The following PACS1 variants were observed in gnomAD, a reference collection of about 807,000 sequenced individuals.
PACS1 encodes phosphofurin acidic cluster sorting protein 1.
In PACS1, 24 loss-of-function variants were observed where a neutral mutation model predicts 115.0. The observed-to-expected ratio is 0.21, with a 90% confidence interval of 0.15 to 0.29. PACS1 has a LOEUF of 0.29. Among genes scored for constraint, PACS1 ranks in the 10% least tolerant of loss-of-function variants. PACS1 has a pLI of 1.00. For missense variants in PACS1, 838 were observed against 1,251.2 expected, an observed-to-expected ratio of 0.67 and a Z score of 4.98; for synonymous variants, 453 against 504.5, an observed-to-expected ratio of 0.90 and a Z score of 1.37.
chr11:66,107,638 TTA>T (rs1858080753), intron 1 of PACS1, among the ~76,000 whole-genome samples: 1 of 152,212 alleles, frequency 6.6e-6, no homozygotes, highest in Non-Finnish European at 1.5e-5. Flanking sequence ...ATTCTTTTAC[TTA>T]TATGATTGTT....
At chr11:66,119,136 C>G (rs982500825) in intron 1 of PACS1, among the ~76,000 whole-genome samples, 5 of 152,170 alleles carry the variant, frequency 3.3e-5, no homozygotes, top group Non-Finnish European at 7.4e-5. Context: ...CTCTTCTGAC[C>G]GGTAGCGTTA....
intron 17 of PACS1, 115 bp downstream of exon 17, chr11:66,234,357 G>A (rs1006155258): frequency 2.0e-5 from 15 of 746,936 alleles, no homozygotes; most frequent in South Asian, 5.7e-5. Context: ...TCACCTTCCC[G>A]GTCACTCTGT....
chr11:66,128,419 CTG>C (rs1858627753), intron 1 of PACS1, among the ~76,000 whole-genome samples: 1 of 152,172 alleles, frequency 6.6e-6, no homozygotes, highest in Non-Finnish European at 1.5e-5. Flanking sequence ...GAAATGCTGT[CTG>C]TGATTTGCTT....
chr11:66,233,157 T>C lies in PACS1; in HGVS notation c.1838+91T>C, dbSNP rs1855634464. On this transcript the variant is annotated intron_variant, in intron 15 of 23. Coordinates refer to ENST00000320580, the MANE Select transcript of PACS1 (RefSeq NM_018026.4). The surrounding 1 kb of genome is among the most constrained non-coding windows in gnomAD (Gnocchi z 4.5). ...ACTTCTAAGCAATGATAGACCCTCC[T>C]GGCCTCATCAGACCAAGAATTTGCA... is the stretch of plus-strand genomic sequence containing the variant. The C allele has an allele frequency of 1.0e-6, 1 of 975,300 alleles. No individual in the cohort carries two copies. The highest frequency in any genetic ancestry group is 1.6e-5 in the African/African-American group (1 of 62,402). 60.4% of individuals were successfully genotyped at this position (975,300 alleles called of 1,614,324 possible).
chr11:66,093,778 T>C (rs1178317004), intron 1 of PACS1, among the ~76,000 whole-genome samples: 1 of 151,718 alleles, frequency 6.6e-6, no homozygotes, highest in East Asian at 1.9e-4. Flanking sequence ...TATTCCAAAA[T>C]TGACCACATA....
At chr11:66,211,611 G>T (rs567207793) in intron 4 of PACS1, among the ~76,000 whole-genome samples, 2 of 152,258 alleles carry the variant, frequency 1.3e-5, no homozygotes, top group Admixed American at 1.3e-4. Flanking sequence ...TAGATATATT[G>T]ATAGGTATTA....
intron 1 of PACS1, among the ~76,000 whole-genome samples, chr11:66,093,247 G>C (rs1208336779): frequency 1.3e-5 from 2 of 152,088 alleles, no homozygotes; most frequent in Non-Finnish European, 2.9e-5. Context: ...GTGTAAGTTG[G>C]ATTCCTAGGT....
intron 7 of PACS1, chr11:66,219,448 G>A: frequency 3.9e-6 from 2 of 518,906 alleles, no homozygotes; most frequent in South Asian, 3.6e-5. Context: ...TGAATCCGAA[G>A]GGCAAGAGAA....
chr11:66,202,338 T>C (rs1041604724), intron 2 of PACS1, among the ~76,000 whole-genome samples: 2 of 152,096 alleles, frequency 1.3e-5, no homozygotes, highest in Admixed American at 6.6e-5. Flanking sequence ...TAGAGAATAA[T>C]TCCAGACTCA....
intron 1 of PACS1, among the ~76,000 whole-genome samples, chr11:66,165,187 C>A (rs1306853526): frequency 6.6e-6 from 1 of 152,230 alleles, no homozygotes; most frequent in Non-Finnish European, 1.5e-5. Context: ...GATGAGTTTT[C>A]TGTTCTCAGC....
chr11:66,070,313 G>C lies in PACS1; in HGVS notation c.-174G>C, dbSNP rs1001243468. 3.4e-5 allele frequency: 7 copies of C among 203,762 alleles called. No homozygotes were observed. Among genetic ancestry groups the C allele is most frequent in the Non-Finnish European group, 6.5e-5 (7 of 107,322 alleles). 12.6% of individuals were successfully genotyped at this position (203,762 alleles called of 1,614,324 possible). A position where few individuals can be genotyped will look rare whatever the true frequency, so the allele number is the denominator to read the frequency against. Reference sequence around the variant, plus strand: ...CGAGCCGCAACAGGCAGCGGCGGTCGAGCGCGAGGCCCGCGCGCCCAGAGG... The same window carrying C: ...CGAGCCGCAACAGGCAGCGGCGGTCCAGCGCGAGGCCCGCGCGCCCAGAGG... On this transcript the variant is annotated 5_prime_UTR_variant, in exon 1 of 24. Transcript: ENST00000320580. The surrounding 1 kb of genome is among the most constrained non-coding windows in gnomAD (Gnocchi z 5.9).
At chr11:66,204,138 T>G (rs1854879627) in intron 2 of PACS1, among the ~76,000 whole-genome samples, 2 of 152,046 alleles carry the variant, frequency 1.3e-5, no homozygotes, top group African/African-American at 4.8e-5. Flanking sequence ...AGGGATCCCT[T>G]GTCCATCTGA....
rs757234054 is a variant in PACS1 at position 66,233,016 on chromosome 11, C to T, written c.1788C>T (p.Thr596=). 2.0e-5 allele frequency: 32 copies of T among 1,612,246 alleles called. 1 individual carries two copies. Among genetic ancestry groups the T allele is most frequent in the East Asian group, 1.3e-4 (6 of 44,888 alleles). The change falls in exon 15 of 24, where the codon ACC becomes ACT. Residue 596 remains threonine (T), a synonymous_variant. Coordinates refer to ENST00000320580, the MANE Select transcript of PACS1 (RefSeq NM_018026.4). This position sits in a 1 kb window ranked among gnomAD's most constrained non-coding sequence, Gnocchi z 4.5. ...QRKPVVCTCS[T]VEVQAVLSAL... ...AGCCTGTGGTGTGCACCTGCTCCAC[C>T]GTGGAGGTCCAGGCCGTGCTGTCCG...
chr11:66,242,661 G>A (rs144120574), intron 22 of PACS1, among the ~76,000 whole-genome samples: 62 of 152,292 alleles, frequency 4.1e-4, no homozygotes, highest in African/African-American at 1.4e-3. Context: ...TCTGGACCAA[G>A]GTCTTCACTG....
intron 19 of PACS1, 35 bp from the exon 20 acceptor site, chr11:66,238,769 G>T: frequency 6.4e-7 from 1 of 1,565,360 alleles, no homozygotes. Context: ...TGCTTTAACA[G>T]GAGGATCTAA....
intron 1 of PACS1, among the ~76,000 whole-genome samples, chr11:66,106,433 G>A (rs766050535): frequency 2.0e-5 from 3 of 152,098 alleles, no homozygotes; most frequent in African/African-American, 4.8e-5. Context: ...TTAGCCGGGC[G>A]TGGTGACACG....
At chr11:66,196,671 C>A (rs1194686668) in intron 2 of PACS1, among the ~76,000 whole-genome samples, 1 of 152,046 alleles carries the variant, frequency 6.6e-6, no homozygotes. Flanking sequence ...GATCTCGGCT[C>A]ACTGCAATCT....
rs529321458 is a variant in PACS1, at chr11:66,177,797, A to G, written c.357-15689A>G. 5.3e-5 allele frequency among the ~76,000 whole-genome samples: 8 copies of G among 152,100 alleles called. No individual in the cohort carries two copies. In the South Asian group the frequency reaches 1.7e-3, roughly 32 times the overall value. On this transcript the variant is annotated intron_variant, in intron 1 of 23. Coordinates refer to ENST00000320580, the MANE Select transcript of PACS1 (RefSeq NM_018026.4). ...CAGCTAATTTTTAATTTTTTTTTGT[A>G]GACACGGGGTCTCACATTGCTGTCC...
At chr11:66,117,450 AAC>A (rs2134554937) in intron 1 of PACS1, among the ~76,000 whole-genome samples, 1 of 128,588 alleles carries the variant, frequency 7.8e-6, no homozygotes, top group African/African-American at 2.7e-5. Flanking sequence ...ATAAGAGGAA[AAC>A]TCCATCTCAA....
Sources: allele counts gnomAD v4.1 joint callset (sites outside exome capture counted in the v4.1 genomes callset), GRCh38; gene constraint gnomAD v4.1.1; non-coding constraint Gnocchi (gnomAD v3.1); transcripts MANE v1.5; gene names NCBI Gene and HGNC (gene_info 2026-07-23, HGNC 2026-07-21).